GART: variants seen among roughly 807,000 people sequenced by gnomAD.
GART encodes the protein phosphoribosylglycinamide formyltransferase, phosphoribosylglycinamide synthetase, phosphoribosylaminoimidazole synthetase.
A neutral mutation model predicts 107.2 loss-of-function variants in GART; 43 were observed. The ratio of observed to expected loss-of-function variants is 0.40; its 90% CI spans 0.31 to 0.52. The LOEUF (loss-of-function observed/expected upper bound fraction) is 0.52, where lower values mean the gene tolerates loss of function less well. Ranked by LOEUF, GART falls within the 20% of genes least tolerant of loss-of-function variation. The probability of loss-of-function intolerance (pLI) is 0.52; values close to 1 mark genes in which losing one functional copy is unlikely to be tolerated. For synonymous variants in GART, 434 were observed against 427.0 expected, an observed-to-expected ratio of 1.02 and a Z score of -0.20; for missense variants, 1,107 against 1,206.5, an observed-to-expected ratio of 0.92 and a Z score of 1.22.
chr21:33,514,546 T>G (rs1045842239), intron 16 of GART, among the ~76,000 whole-genome samples: 10 of 152,178 alleles, frequency 6.6e-5, no homozygotes, highest in African/African-American at 2.2e-4. Flanking sequence ...GCAGCTATGA[T>G]GGGAGTATTT....
At chr21:33,540,183 G>A (rs1298834513) in intron 1 of GART, among the ~76,000 whole-genome samples, 2 of 152,162 alleles carry the variant, frequency 1.3e-5, no homozygotes, top group South Asian at 2.1e-4. Flanking sequence ...ATACGAAGAT[G>A]AATCAATGTG....
rs1181444275 is a variant in GART, at chr21:33,521,178, C to T, written c.1394-163G>A. The stretch of plus-strand genomic sequence containing the variant: ...CAGCTGTTCTCAGAGATGACATAAT[C>T]AAATCAACTGGGAGAATGTAATCAT... On this transcript the variant is annotated intron_variant, in intron 12 of 21. Coordinates refer to ENST00000381815, the MANE Select transcript of GART (RefSeq NM_000819.5). 2.7e-4 allele frequency among the ~76,000 whole-genome samples: 41 copies of T among 152,102 alleles called. 1 individual carries two copies. The highest frequency in any genetic ancestry group is 2.6e-3 in the Admixed American group (40 of 15,272).
At chr21:33,518,797 C>A (rs966799791) in intron 14 of GART, 9 of 496,390 alleles carry the variant, frequency 1.8e-5, no homozygotes, top group Admixed American at 1.5e-4. Flanking sequence ...GAGCTTCAGT[C>A]GGTCTCCTTA....
In GART at chr21:33,535,336, A is replaced by AG; in HGVS notation, c.146-17_146-16insC. ...ATTGAGATGGCTGTAAACAGAAAAA[A>AG]AAAAAAAAAAACCACTGCATTTACA... On this transcript the variant is annotated splice_polypyrimidine_tract_variant and intron_variant, in intron 2 of 21. Coordinates refer to ENST00000381815, the MANE Select transcript of GART (RefSeq NM_000819.5). The AG allele has an allele frequency of 1.4e-6, 2 of 1,437,594 alleles. No homozygotes were observed. Among genetic ancestry groups the AG allele is most frequent in the African/African-American group, 1.5e-5 (1 of 67,790 alleles). 89.1% of individuals were successfully genotyped at this position (1,437,594 alleles called of 1,614,324 possible).
chr21:33,525,496 T>A (rs578251734), intron 10 of GART, among the ~76,000 whole-genome samples: 2 of 152,348 alleles, frequency 1.3e-5, no homozygotes, highest in South Asian at 4.1e-4. Flanking sequence ...AGTGGTGTGA[T>A]CTCCGCTCAC....
intron 4 of GART, among the ~76,000 whole-genome samples, chr21:33,533,151 C>T (rs989979087): frequency 6.6e-6 from 1 of 151,424 alleles, no homozygotes; most frequent in African/African-American, 2.4e-5. Flanking sequence ...TTTAAAATTG[C>T]AATAGTGGCC....
intron 16 of GART, among the ~76,000 whole-genome samples, chr21:33,511,988 G>C (rs993637827): frequency 2.1e-4 from 32 of 151,590 alleles, no homozygotes; most frequent in Non-Finnish European, 1.8e-4. Flanking sequence ...ACATTCTCTC[G>C]GCCGGGCGTG....
chr21:33,526,421 G>A (rs755317191), intron 10 of GART, among the ~76,000 whole-genome samples: 20 of 152,254 alleles, frequency 1.3e-4, no homozygotes, highest in South Asian at 2.1e-4. Flanking sequence ...TGATCTGCCC[G>A]CTTCGGCCTC....
Position 33,506,094 on chromosome 21 carries a change from C to A in GART, c.2463G>T (p.Leu821=). The change falls in exon 19 of 22, where the codon CTG becomes CTT. Residue 821 remains leucine, a synonymous_variant. Transcript: ENST00000381815. ...CCCGAGTACTGTCTATAAGTGCTTGCAGGTTCGATCCTGAGAAGGGAGAAA... is the reference window on the plus strand; with the variant it reads ...CCCGAGTACTGTCTATAAGTGCTTGAAGGTTCGATCCTGAGAAGGGAGAAA... ...AVLISGTGSN[L]QALIDSTREP... 6.2e-7 allele frequency: 1 copy of A among 1,613,310 alleles called. No individual in the cohort carries two copies. The highest frequency in any genetic ancestry group is 1.3e-5 in the African/African-American group (1 of 74,904).
chr21:33,530,945 A>G, intron 6 of GART, 61 bp from the exon 7 acceptor site: 1 of 1,449,338 alleles, frequency 6.9e-7, no homozygotes, highest in Non-Finnish European at 9.1e-7. Flanking sequence ...AAAAAAATTT[A>G]GTGAGGCAAA....
intron 11 of GART, 140 bp from the exon 12 acceptor site, chr21:33,522,422 G>T: frequency 1.5e-6 from 1 of 645,810 alleles, no homozygotes. Context: ...CAGTGCCTGG[G>T]CCACATCTAT....
chr21:33,525,031 C>T, intron 10 of GART, 31 bp from the exon 11 acceptor site: 3 of 1,594,294 alleles, frequency 1.9e-6, no homozygotes, highest in Non-Finnish European at 2.6e-6. Flanking sequence ...CATATGATTT[C>T]AAATAGCAAC....
chr21:33,535,219 C>A lies in GART; in HGVS notation c.241+6G>T. 1 of 1,534,538 alleles carries A rather than the reference C, an allele frequency of 6.5e-7. No individual in the cohort carries two copies. Among genetic ancestry groups the A allele is most frequent in the Non-Finnish European group, 8.8e-7 (1 of 1,139,440 alleles). On this transcript the variant is annotated splice_donor_region_variant and intron_variant, in intron 3 of 21. Transcript: ENST00000381815. ...TACTGTAACAATAAACAGAAACAAA[C>A]TTTACCAGCAGCCAGAGGTGCTTCT...
chr21:33,518,309 C>T (rs1263526284), intron 14 of GART, among the ~76,000 whole-genome samples: 1 of 152,096 alleles, frequency 6.6e-6, no homozygotes, highest in Non-Finnish European at 1.5e-5. Context: ...GAAACTCTGT[C>T]TCTACTAAAA....
chr21:33,524,250 G>C, intron 11 of GART: 1 of 985,598 alleles, frequency 1.0e-6, no homozygotes, highest in Non-Finnish European at 1.2e-6. Context: ...ATAACGCAAG[G>C]AATAAAAATC....
rs753357905 is a variant in GART at position 33,513,101 on chromosome 21, G to GTC, written c.2108-1645_2108-1644dup. Among the ~76,000 whole-genome samples, 61 of 91,882 alleles carry GTC rather than the reference G, an allele frequency of 6.6e-4. 1 individual carries two copies. The highest frequency in any genetic ancestry group is 5.0e-4 in the Admixed American group (4 of 7,966). 60.3% of individuals were successfully genotyped at this position (91,882 alleles called of 152,430 possible). Reference sequence around the variant, plus strand: ...TGGTTATTTGTGTGTGTGTGTGTGTGTCTCTGTGTGTGTGTGTGTGTGTGT... The same window carrying GTC: ...TGGTTATTTGTGTGTGTGTGTGTGTGTCTCTCTGTGTGTGTGTGTGTGTGTGT... On this transcript the variant is annotated intron_variant, in intron 16 of 21. Coordinates refer to ENST00000381815, the MANE Select transcript of GART (RefSeq NM_000819.5).
chr21:33,518,686 AT>A (rs35972629), intron 14 of GART: 5,579 of 439,350 alleles, frequency 0.013, 42 homozygotes, highest in Non-Finnish European at 0.018. Context: ...AGTTTGCCTC[AT>A]TCTTAATAGC....
Position 33,528,865 on chromosome 21 carries a change from C to T in GART, c.796G>A (p.Gly266Ser), listed in dbSNP as rs1415577468. The T allele has an allele frequency of 6.2e-7, 1 of 1,612,048 alleles. No homozygotes were observed. Among genetic ancestry groups the T allele is most frequent in the Admixed American group, 1.7e-5 (1 of 59,976 alleles). ...GTGGGCCTACCTGTATATGGAGTACCCTCTTGCTGCATGCCATCCACTGTC... is the reference window on the plus strand; with the variant it reads ...GTGGGCCTACCTGTATATGGAGTACTCTCTTGCTGCATGCCATCCACTGTC... ...QRTVDGMQQE[G>S]TPYTGILYAG... The change falls in exon 8 of 22, where the codon GGT (glycine) becomes AGT (serine). Residue 266 changes from glycine (G) to serine (S), a missense_variant. Physicochemically the swap from Gly to Ser is moderately conservative, Grantham distance 56. Transcript: ENST00000381815.
At chr21:33,538,117 A>C (rs1010240300) in intron 2 of GART, among the ~76,000 whole-genome samples, 1 of 151,518 alleles carries the variant, frequency 6.6e-6, no homozygotes, top group Non-Finnish European at 1.5e-5. Flanking sequence ...GGCGGCATGC[A>C]CCTGTAGTAC....
Sources: gnomAD v4.1 joint callset for allele counts (sites outside exome capture counted in the v4.1 genomes callset) on GRCh38, gnomAD v4.1.1 for gene constraint, MANE v1.5 for transcripts, NCBI Gene and HGNC (gene_info 2026-07-23, HGNC 2026-07-21) for gene names.